Variants in IL17RD observed in about 807,000 individuals in gnomAD.
IL17RD encodes interleukin-17 receptor D.
Under a neutral mutation model 80.5 loss-of-function variants are expected in IL17RD, and 52 were observed. That is an observed-to-expected ratio of 0.65 (90% CI 0.52 to 0.81). IL17RD has a LOEUF of 0.81. IL17RD is among the 40% of genes least tolerant of loss of function. The probability of loss-of-function intolerance (pLI) is 0.00; values close to 1 mark genes in which losing one functional copy is unlikely to be tolerated. For missense variants in IL17RD, 1,024 were observed against 955.1 expected (o/e 1.07, Z -0.95); for synonymous variants, 416 against 391.8 (o/e 1.06, Z -0.73).
At chr3:57,130,836 C>CCAA (rs549310288) in intron 1 of IL17RD, among the ~76,000 whole-genome samples, 68 of 152,212 alleles carry the variant, frequency 4.5e-4, no homozygotes, top group East Asian at 1.5e-3. Context: ...AGCCACAAAG[C>CCAA]CAACAACAAC....
At chr3:57,129,535 C>T (rs1414434658) in intron 1 of IL17RD, among the ~76,000 whole-genome samples, 5 of 152,162 alleles carry the variant, frequency 3.3e-5, no homozygotes, top group Non-Finnish European at 7.3e-5. Context: ...TACTAAGCCA[C>T]ATCTGGAATT....
In IL17RD at chr3:57,142,522, C is replaced by A. The variant is rs768961061; in HGVS notation, c.127-22209G>T. 10 of 1,287,508 alleles carry A rather than the reference C, an allele frequency of 7.8e-6. No individual in the cohort carries two copies. The South Asian group carries it at 8.7e-5, about 11-fold the overall frequency. 79.8% of individuals were successfully genotyped at this position (1,287,508 alleles called of 1,614,324 possible). A position where few individuals can be genotyped will look rare whatever the true frequency, so the allele number is the denominator to read the frequency against. On this transcript the variant is annotated intron_variant, in intron 1 of 12. Coordinates refer to ENST00000296318, the MANE Select transcript of IL17RD (RefSeq NM_017563.5). Reference sequence around the variant, plus strand: ...CGCGTGGCATCCCTCCCCCTCCAACCGCCCCGTCTGACCTCCCCCACTCCG... The same window carrying A: ...CGCGTGGCATCCCTCCCCCTCCAACAGCCCCGTCTGACCTCCCCCACTCCG...
intron 1 of IL17RD, among the ~76,000 whole-genome samples, chr3:57,140,034 A>G (rs1707800369): frequency 6.6e-6 from 1 of 152,144 alleles, no homozygotes. Context: ...GGAAAAAAGT[A>G]CTGAAAAGAC....
chr3:57,101,460 GTCT>G, intron 10 of IL17RD, 97 bp from the exon 11 acceptor site: 1 of 777,760 alleles, frequency 1.3e-6, no homozygotes, highest in Admixed American at 2.6e-5. Flanking sequence ...GAAAGAACAC[GTCT>G]ACCTAGAGCA....
intron 1 of IL17RD, chr3:57,150,505 A>C (rs1482741414): frequency 6.6e-6 from 1 of 152,150 alleles, no homozygotes; most frequent in Non-Finnish European, 1.5e-5. Flanking sequence ...ATCTGGAAAA[A>C]AGGGAACCAC....
intron 1 of IL17RD, among the ~76,000 whole-genome samples, chr3:57,122,954 G>A (rs1312944028): frequency 6.6e-6 from 1 of 151,350 alleles, no homozygotes; most frequent in Non-Finnish European, 1.5e-5. Context: ...CCTTATATTT[G>A]TTTGTTTGTT....
At chr3:57,143,164 A>G (rs1007038631) in intron 1 of IL17RD, among the ~76,000 whole-genome samples, 3 of 152,212 alleles carry the variant, frequency 2.0e-5, no homozygotes, top group African/African-American at 7.2e-5. Flanking sequence ...CGGCAGAGGA[A>G]AACGGTATGT....
chr3:57,130,381 T>C (rs1351004424), intron 1 of IL17RD, among the ~76,000 whole-genome samples: 2 of 152,188 alleles, frequency 1.3e-5, no homozygotes, highest in Non-Finnish European at 2.9e-5. Context: ...TGAATTCAAA[T>C]AGCAATATAT....
At position 57,127,309 on chromosome 3, in the gene IL17RD, TATATAA is replaced by T. The variant is rs1559477048; in HGVS notation, c.127-7002_127-6997del. On this transcript the variant is annotated intron_variant, in intron 1 of 12. Coordinates refer to ENST00000296318, the MANE Select transcript of IL17RD (RefSeq NM_017563.5). ...AAATATATATAAATATATATAAAAA[TATATAA>T]AAATATATATAAATATATATAAAAA... Among the ~76,000 whole-genome samples the T allele has an allele frequency of 4.1e-4, 41 of 99,168 alleles. 2 individuals are homozygous for T. The highest frequency in any genetic ancestry group is 1.8e-3 in the African/African-American group (35 of 19,796). The allele number at this position is 99,168 out of a possible 152,430, so 65.1% of individuals were successfully genotyped here. A position where few individuals can be genotyped will look rare whatever the true frequency, so the allele number is the denominator to read the frequency against.
chr3:57,138,789 A>G (rs376246603), intron 1 of IL17RD, among the ~76,000 whole-genome samples: 28 of 151,926 alleles, frequency 1.8e-4, no homozygotes, highest in African/African-American at 5.8e-4. Flanking sequence ...AATACAAAAA[A>G]TTAGCTGGGC....
At position 57,091,406 on chromosome 3, in the gene IL17RD, T is replaced by C. The variant is rs560675711; in HGVS notation, c.*4987A>G. Reference sequence around the variant, plus strand: ...GACATATCATTTTGTGAAAGTGCCATTATATTTTTAAGTGGTAAGAGGAGC... The same window carrying C: ...GACATATCATTTTGTGAAAGTGCCACTATATTTTTAAGTGGTAAGAGGAGC... On this transcript the variant is annotated 3_prime_UTR_variant, in exon 13 of 13. Coordinates refer to ENST00000296318, the MANE Select transcript of IL17RD (RefSeq NM_017563.5). The C allele has an allele frequency of 2.0e-5, 3 of 152,722 alleles. No homozygotes were observed. The South Asian group carries it at 6.2e-4, about 32-fold the overall frequency. The allele number at this position is 152,722 out of a possible 1,614,324, so 9.5% of individuals were successfully genotyped here. A position where few individuals can be genotyped will look rare whatever the true frequency, so the allele number is the denominator to read the frequency against.
intron 1 of IL17RD, among the ~76,000 whole-genome samples, chr3:57,127,412 A>ATTTTTTTT (rs58398251): frequency 3.0e-4 from 27 of 91,190 alleles, no homozygotes; most frequent in African/African-American, 1.3e-3. Flanking sequence ...ATATATATAT[A>ATTTTTTTT]TTTTTTTTTT....
In IL17RD at chr3:57,101,321, G is replaced by T; in HGVS notation, c.1022C>A (p.Ser341Tyr). Residue 341 changes from serine to tyrosine, a missense_variant, in exon 11 of 13, where the codon TCC becomes TAC. Transcript: ENST00000296318. ...SHLDEESSES[S>Y]TYTAALPRER... ...TCTTGGGAGTGCTGCAGTGTATGTG[G>T]AAGACTCAGAGCTCTCTTCATCTAA... 1 of 1,612,940 alleles carries T rather than the reference G, an allele frequency of 6.2e-7. No individual in the cohort carries two copies. Among genetic ancestry groups the T allele is most frequent in the Non-Finnish European group, 8.5e-7 (1 of 1,179,118 alleles).
At chr3:57,122,324 C>G (rs1461214973) in intron 1 of IL17RD, among the ~76,000 whole-genome samples, 1 of 152,190 alleles carries the variant, frequency 6.6e-6, no homozygotes, top group African/African-American at 2.4e-5. Flanking sequence ...TACCTCAATC[C>G]TCCCATCCTC....
intron 3 of IL17RD, among the ~76,000 whole-genome samples, chr3:57,112,079 G>A (rs547241700): frequency 9.2e-5 from 14 of 152,280 alleles, no homozygotes; most frequent in East Asian, 1.9e-4. Context: ...TTCTGAGGCC[G>A]AGGGAAGAGG....
chr3:57,106,763 T>C (rs1412776036), intron 5 of IL17RD, among the ~76,000 whole-genome samples: 1 of 152,164 alleles, frequency 6.6e-6, no homozygotes, highest in Non-Finnish European at 1.5e-5. Context: ...AAACAGCTAG[T>C]CCACTGTGCC....
rs901382188 is a variant in IL17RD at position 57,096,261 on chromosome 3, T to C, written c.*132A>G. ...GGTTGGGGCAAGGGAGAACAAGTAC[T>C]GGCCAGCATTTCACTCCAAATATCC... On this transcript the variant is annotated 3_prime_UTR_variant, in exon 13 of 13. Transcript: ENST00000296318. The C allele has an allele frequency of 1.5e-6, 1 of 687,760 alleles. No homozygotes were observed. Among genetic ancestry groups the C allele is most frequent in the Non-Finnish European group, 2.7e-6 (1 of 373,602 alleles). The allele number at this position is 687,760 out of a possible 1,614,324, so 42.6% of individuals were successfully genotyped here.
At chr3:57,127,936 A>G (rs1707529883) in intron 1 of IL17RD, among the ~76,000 whole-genome samples, 1 of 152,238 alleles carries the variant, frequency 6.6e-6, no homozygotes, top group African/African-American at 2.4e-5. Flanking sequence ...ACCTTTAACA[A>G]CAACAACAAA....
chr3:57,143,360 C>T (rs1213756626), intron 1 of IL17RD, among the ~76,000 whole-genome samples: 1 of 152,060 alleles, frequency 6.6e-6, no homozygotes, highest in Non-Finnish European at 1.5e-5. Flanking sequence ...TCAACAAAGG[C>T]TACGACAATC....
Sources: allele counts gnomAD v4.1 joint callset (sites outside exome capture counted in the v4.1 genomes callset), GRCh38; gene constraint gnomAD v4.1.1; transcripts MANE v1.5; gene names NCBI Gene and HGNC (gene_info 2026-07-23, HGNC 2026-07-21).